N4BP2: variants seen among roughly 807,000 people sequenced by gnomAD.
N4BP2 encodes NEDD4-binding protein 2.
In N4BP2, 91 loss-of-function variants were observed where a neutral mutation model predicts 152.8. That is an observed-to-expected ratio of 0.60 (90% confidence interval 0.50 to 0.71). The LOEUF (loss-of-function observed/expected upper bound fraction) is 0.71. Ranked by LOEUF, N4BP2 falls within the 30% of genes least tolerant of loss-of-function variation. N4BP2 has a pLI of 0.00. For missense variants in N4BP2, 1,923 were observed against 2,059.1 expected (o/e 0.93, Z 1.28); for synonymous variants, 646 against 705.3 (o/e 0.92, Z 1.33).
At chr4:40,172,302 A>G in the N4BP2 span, among the ~76,000 whole-genome samples, 1 of 152,082 alleles carries the variant, frequency 6.6e-6, no homozygotes, top group Non-Finnish European at 1.5e-5. Flanking sequence ...GCCTACCCAG[A>G]TTGAGGGTGA....
intron 7 of N4BP2, among the ~76,000 whole-genome samples, chr4:40,116,161 A>G (rs1717317506): frequency 6.6e-6 from 1 of 151,918 alleles, no homozygotes; most frequent in South Asian, 2.1e-4. Context: ...TCATACTTTT[A>G]CTTTGAATAT....
chr4:40,093,158 G>A (rs1181189772), intron 2 of N4BP2, among the ~76,000 whole-genome samples: 1 of 150,502 alleles, frequency 6.6e-6, no homozygotes, highest in African/African-American at 2.4e-5. Context: ...TGGCTAGGCT[G>A]GTCTTGAACT....
At chr4:40,123,295 T>G in intron 10 of N4BP2, 83 bp downstream of exon 10, 1 of 895,642 alleles carries the variant, frequency 1.1e-6, no homozygotes, top group East Asian at 2.5e-5. Context: ...CACATAATAT[T>G]AAGGAGTTCT....
In N4BP2 at chr4:40,122,058, A is replaced by G. The variant is rs1204988751; in HGVS notation, c.3947A>G (p.Asn1316Ser). The change falls in exon 9 of 18, where the codon AAT (asparagine) becomes AGT (serine). Residue 1316 changes from asparagine to serine, a missense_variant. Coordinates refer to ENST00000261435, the MANE Select transcript of N4BP2 (RefSeq NM_018177.6). ...TDSLEIKRNE[N>S]FPKDYVKFSD... ...TCTCTTGAAATAAAGAGAAATGAAA[A>G]TTTTCCAAAGGATTATGTGAAATTT... The G allele has an allele frequency of 1.3e-6, 2 of 1,549,912 alleles. No homozygotes were observed. The highest frequency in any genetic ancestry group is 8.7e-7 in the Non-Finnish European group (1 of 1,147,936).
At chr4:40,153,034 T>C in intron 17 of N4BP2, 131 bp downstream of exon 17, 1 of 755,922 alleles carries the variant, frequency 1.3e-6, no homozygotes, top group Non-Finnish European at 2.1e-6. Context: ...TAAACACTAA[T>C]AGCGTACTCA....
chr4:40,070,381 C>T (rs541410107), intron 1 of N4BP2, among the ~76,000 whole-genome samples: 3 of 152,270 alleles, frequency 2.0e-5, no homozygotes, highest in African/African-American at 7.2e-5. Context: ...GGAGGACATT[C>T]TCCCTATATA....
At chr4:40,147,837 T>G (rs1720735727) in intron 16 of N4BP2, among the ~76,000 whole-genome samples, 1 of 146,042 alleles carries the variant, frequency 6.8e-6, no homozygotes, top group South Asian at 2.2e-4. Flanking sequence ...GAGACGCTCC[T>G]CACCTCCCAG....
Position 40,131,834 on chromosome 4 carries a change from G to T in N4BP2, c.4561G>T (p.Ala1521Ser). The T allele has an allele frequency of 6.2e-7, 1 of 1,613,320 alleles. No homozygotes were observed. Among genetic ancestry groups the T allele is most frequent in the African/African-American group, 1.3e-5 (1 of 74,976 alleles). The change falls in exon 13 of 18, where the codon GCC becomes TCC. Residue 1521 changes from alanine (A) to serine (S), a missense_variant. Physicochemically the swap from Ala to Ser is moderately conservative, Grantham distance 99. Transcript: ENST00000261435. ...RETLMFEKDC[A>S]TKLKEKQLFK... ...GACCCTTATGTTTGAAAAAGATTGT[G>T]CCACTAAACTAAAGGAGAAGCAGCT...
downstream of N4BP2, among the ~76,000 whole-genome samples, chr4:40,159,546 A>G (rs73144089): frequency 1.9e-4 from 29 of 152,260 alleles, no homozygotes; most frequent in African/African-American, 6.7e-4. Context: ...GAGGAAAGAC[A>G]AAGAAAAAGG....
chr4:40,120,281 T>A lies in N4BP2; in HGVS notation c.2170T>A (p.Ser724Thr), dbSNP rs200304108. 65 of 1,613,614 alleles carry A rather than the reference T, an allele frequency of 4.0e-5. No individual in the cohort carries two copies. The highest frequency in any genetic ancestry group is 5.0e-5 in the Admixed American group (3 of 59,906). Reference sequence around the variant, plus strand: ...CACAGATAGTTCTATGGAGAGAGTATCACCTAGTACTTGCTGTAGTGAAAA... The same window carrying A: ...CACAGATAGTTCTATGGAGAGAGTAACACCTAGTACTTGCTGTAGTGAAAA... Reference protein sequence around the residue: ...TDTDSSMERVSPSTCCSENNQ... With the variant: ...TDTDSSMERVTPSTCCSENNQ... Residue 724 changes from serine (S) to threonine (T), a missense_variant, in exon 9 of 18, where the codon TCA becomes ACA. Physicochemically the swap from Ser to Thr is moderately conservative, Grantham distance 58. Transcript: ENST00000261435.
rs537857851 is a variant in N4BP2, at chr4:40,094,844, G to A, written c.-114-2383G>A. ...TGGGATTACAGGTGTGAGCCACCGC[G>A]AGTGCAGTGGCGTGATCTTGGCTCA... On this transcript the variant is annotated intron_variant, in intron 2 of 17. Transcript: ENST00000261435. Among the ~76,000 whole-genome samples the A allele has an allele frequency of 7.3e-5, 11 of 151,654 alleles. No individual in the cohort carries two copies. The East Asian group carries it at 1.2e-3, about 16-fold the overall frequency.
chr4:40,188,170 G>C, the N4BP2 span, among the ~76,000 whole-genome samples: 1 of 152,144 alleles, frequency 6.6e-6, no homozygotes, highest in Non-Finnish European at 1.5e-5. Context: ...TGAGAGGCTG[G>C]GGTACTCACT....
intron 1 of N4BP2, among the ~76,000 whole-genome samples, chr4:40,070,675 T>G (rs976382153): frequency 1.3e-5 from 2 of 152,078 alleles, no homozygotes; most frequent in African/African-American, 4.8e-5. Flanking sequence ...GGTCTTAAAC[T>G]TGTAGTCTCA....
intron 16 of N4BP2, among the ~76,000 whole-genome samples, chr4:40,147,812 C>T (rs1478135253): frequency 6.7e-6 from 1 of 150,202 alleles, no homozygotes; most frequent in African/African-American, 2.5e-5. Flanking sequence ...ACTTCTCAGA[C>T]GGGGCAGCCA....
the N4BP2 span, among the ~76,000 whole-genome samples, chr4:40,184,647 AT>A: frequency 3.9e-5 from 6 of 152,086 alleles, no homozygotes; most frequent in East Asian, 9.6e-4. Context: ...GACGTGAAAA[AT>A]TTTTTTCATA....
At chr4:40,173,019 A>G in the N4BP2 span, among the ~76,000 whole-genome samples, 1 of 152,156 alleles carries the variant, frequency 6.6e-6, no homozygotes, top group African/African-American at 2.4e-5. Context: ...TGCTGTTGAC[A>G]GTTTGCTCCC....
chr4:40,122,134 T>A lies in N4BP2; in HGVS notation c.4023T>A (p.Ile1341=), dbSNP rs756609440. Residue 1341 remains isoleucine, a synonymous_variant, in exon 9 of 18, where the codon ATT becomes ATA. Transcript: ENST00000261435. ...AAGATGAGAAGGAAATGAAGGAAAT[T>A]CTAATGGCAGGAAGTAGTTTATCAG... The part of the protein sequence containing the change: ...MNEDEKEMKE[I]LMAGSSLSAG... The A allele has an allele frequency of 3.1e-6, 5 of 1,606,952 alleles. No individual in the cohort carries two copies. Among genetic ancestry groups the A allele is most frequent in the Non-Finnish European group, 4.3e-6 (5 of 1,176,196 alleles).
downstream of N4BP2, among the ~76,000 whole-genome samples, chr4:40,160,134 G>A (rs894907924): frequency 1.7e-4 from 26 of 152,044 alleles, no homozygotes; most frequent in Middle Eastern, 3.2e-3. Flanking sequence ...AATTTTATTC[G>A]GGGAGGATTG....
the N4BP2 span, among the ~76,000 whole-genome samples, chr4:40,165,347 C>T: frequency 6.6e-6 from 1 of 152,116 alleles, no homozygotes; most frequent in Admixed American, 6.5e-5. Flanking sequence ...TTCCCGGGCT[C>T]AAGCAATCCT....
Sources: allele counts gnomAD v4.1 joint callset (sites outside exome capture counted in the v4.1 genomes callset), GRCh38; gene constraint gnomAD v4.1.1; transcripts MANE v1.5; gene names NCBI Gene and HGNC (gene_info 2026-07-23, HGNC 2026-07-21).